GRIK2: variants seen among roughly 807,000 people sequenced by gnomAD.
GRIK2 encodes glutamate ionotropic receptor kainate type subunit 2.
In GRIK2, 32 loss-of-function variants were observed where a neutral mutation model predicts 100.3. The ratio of observed to expected loss-of-function variants is 0.32; its 90% CI spans 0.24 to 0.43. The LOEUF (loss-of-function observed/expected upper bound fraction) is 0.43. Among genes scored for constraint, GRIK2 ranks in the 20% least tolerant of loss-of-function variants. The pLI is 1.00. For synonymous variants in GRIK2, 417 were observed against 389.4 expected (o/e 1.07, Z -0.83); for missense variants, 843 against 1,114.9 (o/e 0.76, Z 3.47).
rs534892356 is a variant in GRIK2, at chr6:101,495,375, G to A, written c.115+95983G>A. Among the ~76,000 whole-genome samples, 32 of 151,958 alleles carry A rather than the reference G, an allele frequency of 2.1e-4. 1 individual carries two copies. Among genetic ancestry groups the A allele is most frequent in the Admixed American group, 1.2e-3 (19 of 15,248 alleles). ...AAAACAATTAGCCAGGCGTGGTGGCGGGCACCTGTAGTCCCAGCTACTCGG... is the reference window on the plus strand; with the variant it reads ...AAAACAATTAGCCAGGCGTGGTGGCAGGCACCTGTAGTCCCAGCTACTCGG... On this transcript the variant is annotated intron_variant, in intron 2 of 16. Coordinates refer to ENST00000369134, the MANE Select transcript of GRIK2 (RefSeq NM_021956.5).
intron 15 of GRIK2, among the ~76,000 whole-genome samples, chr6:102,045,493 A>G (rs910439825): frequency 1.3e-5 from 2 of 152,104 alleles, no homozygotes; most frequent in African/African-American, 4.8e-5. Flanking sequence ...GGATAGGATG[A>G]GGTACAAGAT....
intron 3 of GRIK2, among the ~76,000 whole-genome samples, chr6:101,624,114 C>T (rs890062399): frequency 1.3e-5 from 2 of 152,004 alleles, no homozygotes; most frequent in Non-Finnish European, 2.9e-5. Flanking sequence ...TTGTTCTGCT[C>T]AATTAATAAA....
At chr6:101,492,552 C>T (rs1324597689) in intron 2 of GRIK2, among the ~76,000 whole-genome samples, 1 of 151,850 alleles carries the variant, frequency 6.6e-6, no homozygotes, top group Non-Finnish European at 1.5e-5. Context: ...TAAGTTGTCT[C>T]CTGTATCTTT....
intron 15 of GRIK2, among the ~76,000 whole-genome samples, chr6:102,039,588 G>T (rs1003675033): frequency 6.6e-6 from 1 of 151,290 alleles, no homozygotes; most frequent in Admixed American, 6.6e-5. Context: ...ATCTGAACTG[G>T]GAACATTTCT....
At chr6:101,633,286 GAAA>G (rs1780849961) in intron 4 of GRIK2, among the ~76,000 whole-genome samples, 1 of 152,040 alleles carries the variant, frequency 6.6e-6, no homozygotes, top group Non-Finnish European at 1.5e-5. Context: ...TGGAAACTCA[GAAA>G]AAGACATAGA....
At chr6:101,604,885 A>T (rs1347455206) in intron 2 of GRIK2, among the ~76,000 whole-genome samples, 1 of 151,996 alleles carries the variant, frequency 6.6e-6, no homozygotes, top group Non-Finnish European at 1.5e-5. Flanking sequence ...ACCAGCAGGT[A>T]GCTTGAATCT....
intron 2 of GRIK2, among the ~76,000 whole-genome samples, chr6:101,526,085 G>C (rs552226426): frequency 2.1e-4 from 32 of 152,282 alleles, no homozygotes; most frequent in South Asian, 8.3e-4. Flanking sequence ...TTGATTCCTA[G>C]ATGTATACTG....
intron 11 of GRIK2, among the ~76,000 whole-genome samples, chr6:101,869,153 AAC>A (rs1245235687): frequency 2.0e-5 from 3 of 151,922 alleles, no homozygotes; most frequent in African/African-American, 7.3e-5. Context: ...TATCTTATGT[AAC>A]ACCACACGTG....
At chr6:101,450,353 A>G (rs1285883054) in intron 2 of GRIK2, among the ~76,000 whole-genome samples, 1 of 151,702 alleles carries the variant, frequency 6.6e-6, no homozygotes, top group African/African-American at 2.4e-5. Context: ...CCTTATTACA[A>G]TATTGTACTA....
At chr6:102,047,897 C>A (rs1770979655) in intron 15 of GRIK2, among the ~76,000 whole-genome samples, 1 of 151,752 alleles carries the variant, frequency 6.6e-6, no homozygotes, top group South Asian at 2.1e-4. Context: ...GCCTAATACT[C>A]AAGGCAATAA....
At chr6:101,766,170 T>G (rs60715546) in intron 7 of GRIK2, among the ~76,000 whole-genome samples, 9,807 of 152,092 alleles carry the variant, frequency 0.064, 858 homozygotes, top group African/African-American at 0.2. Context: ...CTGATATATT[T>G]TATGCACTTA....
chr6:101,706,538 T>C (rs1582996099), intron 7 of GRIK2, among the ~76,000 whole-genome samples: 2 of 151,898 alleles, frequency 1.3e-5, no homozygotes, highest in African/African-American at 4.8e-5. Context: ...CAAGATGAGA[T>C]TAGATGCACA....
intron 14 of GRIK2, among the ~76,000 whole-genome samples, chr6:101,943,204 C>A (rs1485909427): frequency 1.3e-5 from 2 of 152,162 alleles, no homozygotes; most frequent in African/African-American, 4.8e-5. Context: ...TGGTGTTGGG[C>A]CTGTGGGTGC....
chr6:101,512,880 T>C (rs1441640693), intron 2 of GRIK2, among the ~76,000 whole-genome samples: 1 of 152,248 alleles, frequency 6.6e-6, no homozygotes, highest in African/African-American at 2.4e-5. Context: ...TTTGTCACAA[T>C]ATCTTTCCTA....
At chr6:101,565,065 T>G (rs73506628) in intron 2 of GRIK2, among the ~76,000 whole-genome samples, 12,431 of 152,054 alleles carry the variant, frequency 0.082, 1,403 homozygotes, top group African/African-American at 0.26. Flanking sequence ...TTTAACATAA[T>G]GTACAGGGGC....
chr6:101,669,664 G>A (rs1770284772), intron 4 of GRIK2, among the ~76,000 whole-genome samples: 1 of 152,120 alleles, frequency 6.6e-6, no homozygotes, highest in Non-Finnish European at 1.5e-5. Context: ...AAACATTGCT[G>A]CTACTTAAGT....
intron 7 of GRIK2, among the ~76,000 whole-genome samples, chr6:101,746,221 T>A (rs1308769416): frequency 6.6e-6 from 1 of 152,206 alleles, no homozygotes; most frequent in Non-Finnish European, 1.5e-5. Context: ...GTGGTATAAA[T>A]ACAGAATAGT....
At chr6:101,397,040 C>T (rs1775037832) in intron 1 of GRIK2, among the ~76,000 whole-genome samples, 1 of 152,130 alleles carries the variant, frequency 6.6e-6, no homozygotes, top group African/African-American at 2.4e-5. Context: ...ATACTAGTTT[C>T]AAGTGCAAAA....
intron 15 of GRIK2, among the ~76,000 whole-genome samples, chr6:102,053,474 G>A (rs1771308410): frequency 6.6e-6 from 1 of 152,092 alleles, no homozygotes; most frequent in Non-Finnish European, 1.5e-5. Flanking sequence ...AATGCTTTTA[G>A]TCAGTTATTA....
Sources: gnomAD v4.1 joint callset for allele counts (sites outside exome capture counted in the v4.1 genomes callset) on GRCh38, gnomAD v4.1.1 for gene constraint, MANE v1.5 for transcripts, NCBI Gene and HGNC (gene_info 2026-07-23, HGNC 2026-07-21) for gene names.